Variants in CUL7 observed in about 807,000 individuals in gnomAD.
The protein encoded by CUL7 is cullin-7.
In CUL7, 96 loss-of-function variants were observed where a neutral mutation model predicts 177.7. That is an observed-to-expected ratio of 0.54 (90% CI 0.46 to 0.64). The LOEUF is 0.64. Among genes scored for constraint, CUL7 ranks in the 30% least tolerant of loss-of-function variants. The probability of loss-of-function intolerance (pLI) is 0.00; values close to 1 mark genes in which losing one functional copy is unlikely to be tolerated. For missense variants in CUL7, 1,893 were observed against 2,187.9 expected, an observed-to-expected ratio of 0.87 and a Z score of 2.69; for synonymous variants, 824 against 890.2, an observed-to-expected ratio of 0.93 and a Z score of 1.32.
At position 43,040,884 on chromosome 6, in the gene CUL7, G is replaced by T; in HGVS notation, c.3806+31C>A. ...CTCTGCCACCATCATCCTGCCTCCCGCCAGCTCCCGCTCCTTAGGTCCACA... is the reference window on the plus strand; with the variant it reads ...CTCTGCCACCATCATCCTGCCTCCCTCCAGCTCCCGCTCCTTAGGTCCACA... On this transcript the variant is annotated intron_variant, in intron 20 of 25. Transcript: ENST00000265348. The surrounding 1 kb of genome is among the most constrained non-coding windows in gnomAD (Gnocchi z 4.2). 6.2e-7 allele frequency: 1 copy of T among 1,610,524 alleles called. No homozygotes were observed. The highest frequency in any genetic ancestry group is 8.5e-7 in the Non-Finnish European group (1 of 1,177,872).
Position 43,051,477 on chromosome 6 carries a change from TACA to T in CUL7, c.733-12_733-10del, listed in dbSNP as rs759656200. 2.5e-5 allele frequency: 41 copies of T among 1,614,054 alleles called. 1 individual carries two copies. In the South Asian group the frequency reaches 4.3e-4, roughly 17 times the overall value. The stretch of plus-strand genomic sequence containing the variant: ...AGCACCCTTCCTGGGACCTGTGGGA[TACA>T]ACCTTTGGCCTATATCCACCTTGTC... On this transcript the variant is annotated splice_polypyrimidine_tract_variant and intron_variant, in intron 3 of 25. Transcript: ENST00000265348. This position sits in a 1 kb window ranked among gnomAD's most constrained non-coding sequence, Gnocchi z 5.0.
At chr6:43,041,628 G>A (rs1286761513) in intron 19 of CUL7, among the ~76,000 whole-genome samples, 2 of 150,770 alleles carry the variant, frequency 1.3e-5, no homozygotes, top group African/African-American at 4.9e-5. Context: ...AGAAAGAAAG[G>A]GAGAGAAAGA....
At position 43,049,714 on chromosome 6, in the gene CUL7, C is replaced by A. The variant is rs775835875; in HGVS notation, c.1570-52G>T. ...CAGACAGCCCTGCCGACCCAGAGGC[C>A]CCAGGGAGCACTTGGTAGGGGTGGG... On this transcript the variant is annotated intron_variant, in intron 6 of 25. Transcript: ENST00000265348. 2.2e-5 allele frequency: 35 copies of A among 1,608,670 alleles called. 1 individual carries two copies. The highest frequency in any genetic ancestry group is 2.9e-5 in the Non-Finnish European group (34 of 1,177,574).
In CUL7 at chr6:43,052,123, A is replaced by G. The variant is rs756012812; in HGVS notation, c.580+86T>C. 6.3e-7 allele frequency: 1 copy of G among 1,575,690 alleles called. No homozygotes were observed. Among genetic ancestry groups the G allele is most frequent in the African/African-American group, 1.4e-5 (1 of 73,966 alleles). ...GAATCATTTACGTACTGATGAGATC[A>G]GAGGCTCCTGCCACAGTGTCCTGTG... On this transcript the variant is annotated intron_variant, in intron 2 of 25. Transcript: ENST00000265348. The surrounding 1 kb of genome is among the most constrained non-coding windows in gnomAD (Gnocchi z 4.5).
intron 25 of CUL7, 26 bp from the exon 26 acceptor site, chr6:43,038,037 C>CA (rs1763097558): frequency 6.3e-7 from 1 of 1,577,694 alleles, no homozygotes; most frequent in Non-Finnish European, 8.6e-7. Flanking sequence ...AAGGGAGAAG[C>CA]GGTAGTTTAG....
At position 43,048,138 on chromosome 6, in the gene CUL7, G is replaced by A. The variant is rs774324767; in HGVS notation, c.2169+10C>T. 19 of 1,580,450 alleles carry A rather than the reference G, an allele frequency of 1.2e-5. No individual in the cohort carries two copies. Among genetic ancestry groups the A allele is most frequent in the Admixed American group, 1.7e-5 (1 of 59,310 alleles). On this transcript the variant is annotated intron_variant, in intron 9 of 25. Transcript: ENST00000265348. ...TCCCCCAGCCTCTCCCCAGAGCAGGGCAGGGGTACCTCTCGATCAGTGTTT... is the reference window on the plus strand; with the variant it reads ...TCCCCCAGCCTCTCCCCAGAGCAGGACAGGGGTACCTCTCGATCAGTGTTT...
rs534530418 is a variant in CUL7, at chr6:43,048,540, T to G, written c.1855A>C (p.Thr619Pro). ...CCCTCCACCAGACGCTGCAGGGGAG[T>G]GTTGGGACTCTGAGATGGGGGTTCT... is the stretch of plus-strand genomic sequence containing the variant. ...AKEPPSQSPN[T>P]PLQRLVEGYG... Residue 619 changes from threonine (T) to proline (P), a missense_variant, in exon 8 of 26, where the codon ACT (threonine) becomes CCT (proline). Thr to Pro is a conservative substitution (Grantham distance 38). Around this residue, in one of 5 missense-constraint regions of CUL7, gnomAD observed 973 missense variants for 1,140.9 expected, o/e 0.85. Transcript: ENST00000265348. 5.6e-6 allele frequency: 9 copies of G among 1,613,656 alleles called. No individual in the cohort carries two copies. In the South Asian group the frequency reaches 7.7e-5, roughly 14 times the overall value.
In CUL7 at chr6:43,040,779, T is replaced by G. The variant is rs755906884; in HGVS notation, c.3807-33A>C. 2.1e-5 allele frequency: 34 copies of G among 1,610,304 alleles called. No individual in the cohort carries two copies. The highest frequency in any genetic ancestry group is 2.8e-5 in the Non-Finnish European group (33 of 1,176,726). Reference sequence around the variant, plus strand: ...GCATGCAGCCCGGGCCAAGCCTCAGTGTGGGCACCAGTGTGGCCCAGCCTC... The same window carrying G: ...GCATGCAGCCCGGGCCAAGCCTCAGGGTGGGCACCAGTGTGGCCCAGCCTC... On this transcript the variant is annotated intron_variant, in intron 20 of 25. Coordinates refer to ENST00000265348, the MANE Select transcript of CUL7 (RefSeq NM_014780.5). This position sits in a 1 kb window ranked among gnomAD's most constrained non-coding sequence, Gnocchi z 4.2.
intron 16 of CUL7, among the ~76,000 whole-genome samples, chr6:43,044,237 A>G (rs141879660): frequency 0.012 from 1,796 of 152,304 alleles, 122 homozygotes; most frequent in Admixed American, 0.11. Flanking sequence ...CAGAAGAATC[A>G]CTTGAACCCT....
rs1764429892 is a variant in CUL7, at chr6:43,051,749, T to A, written c.595A>T (p.Ile199Phe). The change falls in exon 3 of 26, where the codon ATC becomes TTC. Residue 199 changes from isoleucine to phenylalanine, a missense_variant. Around this residue, in one of 5 missense-constraint regions of CUL7, gnomAD observed 653 missense variants for 725.2 expected, o/e 0.90. Coordinates refer to ENST00000265348, the MANE Select transcript of CUL7 (RefSeq NM_014780.5). The surrounding 1 kb of genome is among the most constrained non-coding windows in gnomAD (Gnocchi z 5.0). ...SSHDAGTRTQ[I>F]LLSLSQQEAI... ...TCTTGTTGGCTCAGTGACAGAAGGA[T>A]CTGAGTCCGGGTCCCTGTAACCCAC... is the stretch of plus-strand genomic sequence containing the variant. The A allele has an allele frequency of 6.2e-7, 1 of 1,614,172 alleles. No homozygotes were observed. The highest frequency in any genetic ancestry group is 8.5e-7 in the Non-Finnish European group (1 of 1,180,028).
chr6:43,041,639 AAAAG>A (rs1763420626), intron 19 of CUL7, among the ~76,000 whole-genome samples: 1 of 151,452 alleles, frequency 6.6e-6, no homozygotes, highest in Non-Finnish European at 1.5e-5. Flanking sequence ...GAGAGAAAGA[AAAAG>A]AAAGGAGAGG....
intron 19 of CUL7, among the ~76,000 whole-genome samples, chr6:43,042,400 T>C (rs886302514): frequency 2.0e-5 from 3 of 152,050 alleles, no homozygotes; most frequent in Non-Finnish European, 4.4e-5. Context: ...AGTGGTGCAA[T>C]CTCGGCTGAC....
chr6:43,053,846 A>T lies in CUL7; in HGVS notation c.-233T>A. 2 of 1,532,974 alleles carry T rather than the reference A, an allele frequency of 1.3e-6. No homozygotes were observed. Among genetic ancestry groups the T allele is most frequent in the Non-Finnish European group, 1.7e-6 (2 of 1,146,272 alleles). 95.0% of individuals were successfully genotyped at this position (1,532,974 alleles called of 1,614,324 possible). A position where few individuals can be genotyped will look rare whatever the true frequency, so the allele number is the denominator to read the frequency against. On this transcript the variant is annotated 5_prime_UTR_variant, in exon 1 of 26. Transcript: ENST00000265348. This position sits in a 1 kb window ranked among gnomAD's most constrained non-coding sequence, Gnocchi z 4.1. ...CCTGCCAGCGGCTCCGCCAGCCAAA[A>T]GCCACGGCTCATTTCCGCCCGACCC...
rs747079420 is a variant in CUL7, at chr6:43,042,773, C to A, written c.3645+29G>T. ...GAAGGGAGAGTTTGTCGGAAGAGAC[C>A]CAAGGATGAGGCAAGGGTAGAGGCT... On this transcript the variant is annotated intron_variant, in intron 19 of 25. Coordinates refer to ENST00000265348, the MANE Select transcript of CUL7 (RefSeq NM_014780.5). 3.9e-6 allele frequency: 6 copies of A among 1,537,826 alleles called. No individual in the cohort carries two copies. The African/African-American group carries it at 8.2e-5, about 21-fold the overall frequency.
chr6:43,046,589 G>C lies in CUL7; in HGVS notation c.2410C>G (p.Gln804Glu). Residue 804 changes from glutamine to glutamate, a missense_variant, in exon 11 of 26, where the codon CAG becomes GAG. Gln to Glu is a conservative substitution (Grantham distance 29). Coordinates refer to ENST00000265348, the MANE Select transcript of CUL7 (RefSeq NM_014780.5). The part of the protein sequence containing the change: ...LGGCIQMVLG[Q>E]IEDHRRTHQP... Reference sequence around the variant, plus strand: ...TGGGTTCGTCTGTGGTCTTCGATCTGGCCCAGCACCATCTGCAGCCAGAAC... The same window carrying C: ...TGGGTTCGTCTGTGGTCTTCGATCTCGCCCAGCACCATCTGCAGCCAGAAC... The C allele has an allele frequency of 6.2e-7, 1 of 1,614,154 alleles. No individual in the cohort carries two copies. The highest frequency in any genetic ancestry group is 1.1e-5 in the South Asian group (1 of 91,086).
Position 43,050,372 on chromosome 6 carries a change from G to A in CUL7, c.1260C>T (p.Thr420=). 1 of 1,614,100 alleles carries A rather than the reference G, an allele frequency of 6.2e-7. No individual in the cohort carries two copies. The highest frequency in any genetic ancestry group is 8.5e-7 in the Non-Finnish European group (1 of 1,180,008). The change falls in exon 5 of 26, where the codon ACC becomes ACT. Residue 420 remains threonine, a synonymous_variant. Coordinates refer to ENST00000265348, the MANE Select transcript of CUL7 (RefSeq NM_014780.5). The surrounding 1 kb of genome is among the most constrained non-coding windows in gnomAD (Gnocchi z 4.1). ...VQVFWESTGR[T]YWVHWHMLEI... ...CCAGCATGTGCCAGTGCACCCAATA[G>A]GTGCGGCCTGTTGACTCCCAAAATA...
Position 43,051,054 on chromosome 6 carries a change from C to CTCGCA in CUL7, c.1142_1146dup (p.Val383CysfsTer87), listed in dbSNP as rs1459726368. 6.2e-7 allele frequency: 1 copy of CTCGCA among 1,614,244 alleles called. No individual in the cohort carries two copies. Among genetic ancestry groups the CTCGCA allele is most frequent in the African/African-American group, 1.3e-5 (1 of 75,050 alleles). On this transcript the variant is annotated frameshift_variant, in exon 4 of 26. Coordinates refer to ENST00000265348, the MANE Select transcript of CUL7 (RefSeq NM_014780.5). LOFTEE classifies it high-confidence loss of function. The surrounding 1 kb of genome is among the most constrained non-coding windows in gnomAD (Gnocchi z 5.0). ...TCCTCATAATCATCCAGCATCCGCA[C>CTCGCA]TCGCATCCCCGGCTGCAGTGTGTCC...
At position 43,045,851 on chromosome 6, in the gene CUL7, C is replaced by T; in HGVS notation, c.2766+135G>A. The T allele has an allele frequency of 9.3e-7, 1 of 1,075,080 alleles. No individual in the cohort carries two copies. The allele number at this position is 1,075,080 out of a possible 1,614,324, so 66.6% of individuals were successfully genotyped here. A position where few individuals can be genotyped will look rare whatever the true frequency, so the allele number is the denominator to read the frequency against. ...TGTTCAGGGCCTGGTGGCACAAGCA[C>T]AGGGATAAAGGACACTACTTTCTGT... On this transcript the variant is annotated intron_variant, in intron 13 of 25. Coordinates refer to ENST00000265348, the MANE Select transcript of CUL7 (RefSeq NM_014780.5). This position sits in a 1 kb window ranked among gnomAD's most constrained non-coding sequence, Gnocchi z 4.8.
At position 43,046,494 on chromosome 6, in the gene CUL7, C is replaced by T. The variant is rs777842370; in HGVS notation, c.2488+17G>A. ...ATAGGTGTGGGGAGGTGGAGCAACACGGCAACAGGCACGAACCCTGGCACA... is the reference window on the plus strand; with the variant it reads ...ATAGGTGTGGGGAGGTGGAGCAACATGGCAACAGGCACGAACCCTGGCACA... On this transcript the variant is annotated intron_variant, in intron 11 of 25. Coordinates refer to ENST00000265348, the MANE Select transcript of CUL7 (RefSeq NM_014780.5). The T allele has an allele frequency of 1.7e-5, 27 of 1,613,980 alleles. No individual in the cohort carries two copies. The Middle Eastern group carries it at 4.9e-4, about 29-fold the overall frequency.
Sources: gnomAD v4.1 joint callset for allele counts (sites outside exome capture counted in the v4.1 genomes callset) on GRCh38, gnomAD v4.1.1 for gene constraint, gnomAD v4.1.1 regional missense constraint, Gnocchi (gnomAD v3.1) non-coding constraint, MANE v1.5 for transcripts, NCBI Gene and HGNC (gene_info 2026-07-23, HGNC 2026-07-21) for gene names.